The following SNTG2 variants were observed in gnomAD, a reference collection of about 807,000 sequenced individuals.
The protein encoded by SNTG2 is gamma-2-syntrophin.
A neutral mutation model predicts 70.9 loss-of-function variants in SNTG2; 74 were observed. That is an observed-to-expected ratio of 1.04 (90% confidence interval 0.86 to 1.27). The LOEUF (loss-of-function observed/expected upper bound fraction) is 1.27, where lower values mean the gene tolerates loss of function less well. Among genes scored for constraint, SNTG2 ranks in the 50% most tolerant of loss-of-function variants. The probability of loss-of-function intolerance (pLI) is 0.00; values close to 1 mark genes in which losing one functional copy is unlikely to be tolerated. For synonymous variants in SNTG2, 278 were observed against 273.8 expected, an observed-to-expected ratio of 1.02 and a Z score of -0.15; for missense variants, 717 against 690.7, an observed-to-expected ratio of 1.04 and a Z score of -0.43.
At chr2:1,222,702 T>C (rs866542370) in intron 9 of SNTG2, among the ~76,000 whole-genome samples, 4 of 10,910 alleles carry the variant, frequency 3.7e-4, no homozygotes, top group Admixed American at 9.4e-4. Context: ...AGGAAAGTGG[T>C]GCAGTGATGG....
chr2:1,238,147 A>G, intron 10 of SNTG2, 130 bp downstream of exon 10: 2 of 1,217,624 alleles, frequency 1.6e-6, no homozygotes, highest in Admixed American at 2.5e-5. Flanking sequence ...AATGTGTCAA[A>G]TCTATGTCTA....
intron 9 of SNTG2, among the ~76,000 whole-genome samples, chr2:1,213,626 A>C: frequency 6.6e-6 from 1 of 152,238 alleles, no homozygotes; most frequent in Non-Finnish European, 1.5e-5. Flanking sequence ...ATCCCACTGC[A>C]GGATGGCTCA....
intron 14 of SNTG2, among the ~76,000 whole-genome samples, chr2:1,275,425 G>T (rs1316373426): frequency 6.6e-6 from 1 of 152,216 alleles, no homozygotes; most frequent in African/African-American, 2.4e-5. Flanking sequence ...GGGAATTCTT[G>T]CAGTATTTCC....
At chr2:1,051,148 C>CCCTCCCTCCCCCCCTTTCTT (rs1553314795) in intron 1 of SNTG2, among the ~76,000 whole-genome samples, 1 of 83,724 alleles carries the variant, frequency 1.2e-5, no homozygotes, top group Non-Finnish European at 2.5e-5. Context: ...TTTCCTTCCT[C>CCCTCCCTCCCCCCCTTTCTT]CCTCCCTCTC....
chr2:1,247,505 G>C (rs1248404251), intron 12 of SNTG2, 62 bp downstream of exon 12: 5 of 1,171,368 alleles, frequency 4.3e-6, no homozygotes, highest in African/African-American at 1.5e-5. Flanking sequence ...CTGTAGGAGG[G>C]GGAAAGCTAC....
intron 1 of SNTG2, among the ~76,000 whole-genome samples, chr2:1,009,620 A>C (rs1333652913): frequency 5.0e-5 from 4 of 80,300 alleles, no homozygotes; most frequent in Non-Finnish European, 1.0e-4. Context: ...GCTGGTTCTG[A>C]TACTGGTGGG....
chr2:1,256,399 T>C lies in SNTG2; in HGVS notation c.1006-2971T>C, dbSNP rs977948879. On this transcript the variant is annotated intron_variant, in intron 12 of 16. Coordinates refer to ENST00000308624, the MANE Select transcript of SNTG2 (RefSeq NM_018968.4). ...ATTTAGCCAAGTTTTTTCACTTTTG[T>C]TGCAGCAACCTACCTCCTATCTGAA... The C allele has an allele frequency of 3.9e-5, 6 of 152,190 alleles. No individual in the cohort carries two copies. The South Asian group carries it at 6.2e-4, about 16-fold the overall frequency. The allele number at this position is 152,190 out of a possible 1,614,324, so 9.4% of individuals were successfully genotyped here. A position where few individuals can be genotyped will look rare whatever the true frequency, so the allele number is the denominator to read the frequency against.
chr2:1,076,269 TG>T (rs1213633901), intron 1 of SNTG2, among the ~76,000 whole-genome samples: 3 of 152,228 alleles, frequency 2.0e-5, no homozygotes, highest in African/African-American at 7.2e-5. Context: ...TTCTAGAAAC[TG>T]GGCTAAATTG....
intron 8 of SNTG2, among the ~76,000 whole-genome samples, chr2:1,205,152 GA>G (rs1673552849): frequency 6.6e-6 from 1 of 151,964 alleles, no homozygotes. Flanking sequence ...AGTGTGCTCC[GA>G]ACACTACTTT....
chr2:1,160,195 A>T (rs1331200546), intron 6 of SNTG2: 1 of 152,204 alleles, frequency 6.6e-6, no homozygotes, highest in East Asian at 1.9e-4. Flanking sequence ...CTGCTGGATT[A>T]AAATGCACAT....
At chr2:1,235,400 G>A (rs1440906702) in intron 9 of SNTG2, among the ~76,000 whole-genome samples, 1 of 131,528 alleles carries the variant, frequency 7.6e-6, no homozygotes, top group Non-Finnish European at 1.6e-5. Context: ...GCTGCCCTGA[G>A]GTCCCTGCAG....
rs538673138 is a variant in SNTG2 at position 1,090,871 on chromosome 2, G to A, written c.210+7216G>A. 4.6e-5 allele frequency among the ~76,000 whole-genome samples: 7 copies of A among 152,270 alleles called. No homozygotes were observed. In the South Asian group the frequency reaches 1.5e-3, roughly 32 times the overall value. ...TTGTCTTGAAGTGTGCATGCTTGAGGCCACTTGCCCAGCTCCTGAGATCTT... is the reference window on the plus strand; with the variant it reads ...TTGTCTTGAAGTGTGCATGCTTGAGACCACTTGCCCAGCTCCTGAGATCTT... On this transcript the variant is annotated intron_variant, in intron 2 of 16. Transcript: ENST00000308624.
intron 8 of SNTG2, among the ~76,000 whole-genome samples, chr2:1,183,308 A>G (rs577589890): frequency 4.1e-4 from 62 of 151,802 alleles, no homozygotes; most frequent in Non-Finnish European, 7.8e-4. Context: ...AACCATTATG[A>G]TTCATTTGTG....
In SNTG2 at chr2:1,223,737, C is replaced by T. The variant is rs886673260; in HGVS notation, c.720-14151C>T. On this transcript the variant is annotated intron_variant, in intron 9 of 16. Coordinates refer to ENST00000308624, the MANE Select transcript of SNTG2 (RefSeq NM_018968.4). ...GTGGATGGAGAAGGTTTTAAAGGCACGAGACCTTCAGGGTGTACATGACCT... is the reference window on the plus strand; with the variant it reads ...GTGGATGGAGAAGGTTTTAAAGGCATGAGACCTTCAGGGTGTACATGACCT... Among the ~76,000 whole-genome samples the T allele has an allele frequency of 4.6e-5, 7 of 152,162 alleles. No homozygotes were observed. The East Asian group carries it at 5.8e-4, about 13-fold the overall frequency.
intron 1 of SNTG2, among the ~76,000 whole-genome samples, chr2:1,026,016 A>G (rs542484633): frequency 4.6e-5 from 7 of 152,362 alleles, no homozygotes; most frequent in East Asian, 3.9e-4. Context: ...CTAATTTGGC[A>G]TTTTGTTTTG....
intron 1 of SNTG2, among the ~76,000 whole-genome samples, chr2:961,717 T>C (rs968838030): frequency 1.3e-5 from 2 of 152,206 alleles, no homozygotes; most frequent in Non-Finnish European, 2.9e-5. Flanking sequence ...TCCCAGTGAA[T>C]GGGTCTAAGA....
intron 12 of SNTG2, among the ~76,000 whole-genome samples, chr2:1,254,236 C>A (rs954627737): frequency 6.6e-6 from 1 of 152,210 alleles, no homozygotes; most frequent in Non-Finnish European, 1.5e-5. Flanking sequence ...CCGGCCCACC[C>A]TGGTGGGTCC....
intron 1 of SNTG2, among the ~76,000 whole-genome samples, chr2:996,167 T>C (rs2147982624): frequency 6.6e-6 from 1 of 152,318 alleles, no homozygotes; most frequent in Middle Eastern, 3.4e-3. Flanking sequence ...TGGAGGAGTT[T>C]TGACTGGTAT....
rs140385875 is a variant in SNTG2 at position 1,090,380 on chromosome 2, A to G, written c.210+6725A>G. Among the ~76,000 whole-genome samples the G allele has an allele frequency of 1.8e-3, 270 of 152,332 alleles. 1 individual carries two copies. Among genetic ancestry groups the G allele is most frequent in the Middle Eastern group, 0.017 (5 of 294 alleles). On this transcript the variant is annotated intron_variant, in intron 2 of 16. Transcript: ENST00000308624. ...GTTAATCTGGGGCTCATATGTGGTG[A>G]GTTCTTGTTACCAGCTGTGAATCCA...
Sources: allele counts gnomAD v4.1 joint callset (sites outside exome capture counted in the v4.1 genomes callset), GRCh38; gene constraint gnomAD v4.1.1; transcripts MANE v1.5; gene names NCBI Gene and HGNC (gene_info 2026-07-23, HGNC 2026-07-21).